The following TACC1 variants were observed in gnomAD, a reference collection of about 807,000 sequenced individuals.
TACC1 encodes the protein transforming acidic coiled-coil-containing protein 1.
Under a neutral mutation model 84.4 loss-of-function variants are expected in TACC1, and 48 were observed. The ratio of observed to expected loss-of-function variants is 0.57; its 90% confidence interval spans 0.45 to 0.72. The LOEUF (loss-of-function observed/expected upper bound fraction) is 0.72. Ranked by LOEUF, TACC1 falls within the 30% of genes least tolerant of loss-of-function variation. TACC1 has a pLI of 0.00. For missense variants in TACC1, 920 were observed against 973.0 expected, an observed-to-expected ratio of 0.95 and a Z score of 0.72; for synonymous variants, 372 against 376.3, an observed-to-expected ratio of 0.99 and a Z score of 0.13.
At chr8:38,767,304 A>G (rs1812432991) in intron 3 of TACC1, among the ~76,000 whole-genome samples, 1 of 152,190 alleles carries the variant, frequency 6.6e-6, no homozygotes, top group Non-Finnish European at 1.5e-5. Flanking sequence ...TCTTGATGAT[A>G]TTCAGGCTGT....
intron 3 of TACC1, among the ~76,000 whole-genome samples, chr8:38,774,548 A>T (rs1444011885): frequency 6.6e-6 from 1 of 152,208 alleles, no homozygotes; most frequent in Non-Finnish European, 1.5e-5. Context: ...GCTGAAGTGC[A>T]GTGGTAGCAT....
intron 6 of TACC1, among the ~76,000 whole-genome samples, chr8:38,831,784 C>T (rs1668281916): frequency 6.6e-6 from 1 of 151,762 alleles, no homozygotes; most frequent in Non-Finnish European, 1.5e-5. Context: ...GCATGAGCCC[C>T]TGCACCTGGC....
intron 3 of TACC1, among the ~76,000 whole-genome samples, chr8:38,766,451 T>C (rs991781312): frequency 6.6e-6 from 1 of 152,254 alleles, no homozygotes; most frequent in African/African-American, 2.4e-5. Flanking sequence ...AAACCCATCC[T>C]GTTTATCTGT....
chr8:38,825,060 T>C (rs973288975), intron 3 of TACC1, among the ~76,000 whole-genome samples: 10 of 152,152 alleles, frequency 6.6e-5, no homozygotes, highest in Admixed American at 5.2e-4. Context: ...TGACAACTCA[T>C]AGAAGCAAGC....
At position 38,849,369 on chromosome 8, in the gene TACC1, A is replaced by G. The variant is rs1278475004; in HGVS notation, c.*1346A>G. On this transcript the variant is annotated 3_prime_UTR_variant, in exon 13 of 13. Transcript: ENST00000317827. ...ATTAACCCCAACATGGAATTTTTCC[A>G]TATAAATCTCAATGAATTCCCTTTC... is the stretch of plus-strand genomic sequence containing the variant. The G allele has an allele frequency of 6.6e-6, 1 of 152,246 alleles. No homozygotes were observed. Among genetic ancestry groups the G allele is most frequent in the Non-Finnish European group, 1.5e-5 (1 of 68,044 alleles). The allele number at this position is 152,246 out of a possible 1,614,324, so 9.4% of individuals were successfully genotyped here.
At position 38,788,757 on chromosome 8, in the gene TACC1, C is replaced by T; in HGVS notation, c.215C>T (p.Ser72Leu). ...CCTGAAGCTGAAACCCCGATCCGAT[C>T]ACCTTTCAAGGAGTCCTGTGATCCA... Reference protein sequence around the residue: ...ETPEAETPIRSPFKESCDPSL... With the variant: ...ETPEAETPIRLPFKESCDPSL... The change falls in exon 2 of 13, where the codon TCA becomes TTA. Residue 72 changes from serine (S) to leucine (L), a missense_variant. By Grantham distance (145) the Ser-to-Leu change is moderately radical. Transcript: ENST00000317827. 6.2e-7 allele frequency: 1 copy of T among 1,614,096 alleles called. No individual in the cohort carries two copies. Among genetic ancestry groups the T allele is most frequent in the Non-Finnish European group, 8.5e-7 (1 of 1,179,990 alleles).
chr8:38,796,282 A>G (rs1819953529), intron 2 of TACC1, among the ~76,000 whole-genome samples: 1 of 152,228 alleles, frequency 6.6e-6, no homozygotes, highest in Admixed American at 6.5e-5. Context: ...AAGATTGCAG[A>G]TCCAGAGCTC....
intron 3 of TACC1, among the ~76,000 whole-genome samples, chr8:38,760,219 G>T (rs1452582144): frequency 2.0e-5 from 3 of 152,162 alleles, no homozygotes; most frequent in Middle Eastern, 3.2e-3. Flanking sequence ...AACAAGCATA[G>T]ATGTACATGA....
At chr8:38,815,245 A>G (rs1290614072) in intron 2 of TACC1, among the ~76,000 whole-genome samples, 1 of 152,182 alleles carries the variant, frequency 6.6e-6, no homozygotes, top group Non-Finnish European at 1.5e-5. Flanking sequence ...GTTCTCCTTA[A>G]AAGGTCACGT....
intron 2 of TACC1, 143 bp from the exon 3 acceptor site, chr8:38,819,379 T>C: frequency 2.1e-6 from 2 of 965,154 alleles, no homozygotes; most frequent in Non-Finnish European, 3.0e-6. Context: ...CAGGCTGTGC[T>C]GCCATCCTTC....
At position 38,821,550 on chromosome 8, in the gene TACC1, A is replaced by G. The variant is rs76142547; in HGVS notation, c.1391+915A>G. On this transcript the variant is annotated intron_variant, in intron 3 of 12. Transcript: ENST00000317827. ...AGGAGGTAAAATTTCAATAAGAATC[A>G]AGAATATTTTAAATGATCAGTTAAA... is the stretch of plus-strand genomic sequence containing the variant. Among the ~76,000 whole-genome samples the G allele has an allele frequency of 3.4e-3, 511 of 152,318 alleles. 16 individuals are homozygous for G. The East Asian group carries it at 0.067, about 20-fold the overall frequency.
rs549185863 is a variant in TACC1, at chr8:38,850,507, A to G, written c.*2484A>G. On this transcript the variant is annotated 3_prime_UTR_variant, in exon 13 of 13. Transcript: ENST00000317827. Reference sequence around the variant, plus strand: ...AATAAACTCTGTTACAGAAGAGAAAAAGGGCCGGGCACAGTGGCTTATTCC... The same window carrying G: ...AATAAACTCTGTTACAGAAGAGAAAGAGGGCCGGGCACAGTGGCTTATTCC... 106 of 152,272 alleles carry G rather than the reference A, an allele frequency of 7.0e-4. No homozygotes were observed. Among genetic ancestry groups the G allele is most frequent in the African/African-American group, 2.1e-3 (88 of 41,528 alleles). The allele number at this position is 152,272 out of a possible 1,614,324, so 9.4% of individuals were successfully genotyped here.
chr8:38,835,354 GAA>G, intron 6 of TACC1, among the ~76,000 whole-genome samples: 1 of 152,254 alleles, frequency 6.6e-6, no homozygotes, highest in Middle Eastern at 3.4e-3. Context: ...CTCATGAAAA[GAA>G]AAGTTTGCCA....
chr8:38,835,502 T>A (rs1215698333), intron 6 of TACC1, among the ~76,000 whole-genome samples: 1 of 152,202 alleles, frequency 6.6e-6, no homozygotes, highest in Non-Finnish European at 1.5e-5. Flanking sequence ...GGCATGGTCC[T>A]TGACTTATGT....
At chr8:38,841,162 T>C (rs1184134858) in intron 9 of TACC1, among the ~76,000 whole-genome samples, 4 of 152,250 alleles carry the variant, frequency 2.6e-5, no homozygotes, top group African/African-American at 7.2e-5. Context: ...TTTACGTGTG[T>C]TCCTGTTTAA....
chr8:38,751,920 A>T (rs1326001668), intron 3 of TACC1, among the ~76,000 whole-genome samples: 1 of 152,188 alleles, frequency 6.6e-6, no homozygotes, highest in African/African-American at 2.4e-5. Context: ...GAATCTGAGC[A>T]CATAAAAAGT....
intron 2 of TACC1, among the ~76,000 whole-genome samples, chr8:38,798,495 T>TA (rs1353250755): frequency 6.6e-6 from 1 of 152,082 alleles, no homozygotes; most frequent in Admixed American, 6.5e-5. Flanking sequence ...CCCTGTCTCT[T>TA]AAAAAAGCAA....
intron 8 of TACC1, chr8:38,839,875 ATATCTT>A (rs1830883401): frequency 5.7e-6 from 1 of 176,518 alleles, no homozygotes; most frequent in Non-Finnish European, 1.2e-5. Context: ...GCCCAGAAGA[ATATCTT>A]TAACTTAGTT....
At chr8:38,801,717 A>G (rs1378611577) in intron 2 of TACC1, among the ~76,000 whole-genome samples, 2 of 152,170 alleles carry the variant, frequency 1.3e-5, no homozygotes, top group East Asian at 3.8e-4. Context: ...TTGCATTTCT[A>G]TATGAATTTT....
Sources: gnomAD v4.1 joint callset for allele counts (sites outside exome capture counted in the v4.1 genomes callset) on GRCh38, gnomAD v4.1.1 for gene constraint, MANE v1.5 for transcripts, NCBI Gene and HGNC (gene_info 2026-07-23, HGNC 2026-07-21) for gene names.